The following THSD7B variants were observed in gnomAD, a reference collection of about 807,000 sequenced individuals.
THSD7B encodes thrombospondin type 1 domain containing 7B.
A neutral mutation model predicts 213.6 loss-of-function variants in THSD7B; 138 were observed. The observed-to-expected ratio is 0.65, with a 90% confidence interval of 0.56 to 0.74. THSD7B has a LOEUF of 0.74. THSD7B is among the 30% of genes least tolerant of loss of function. THSD7B has a pLI of 0.00. For missense variants in THSD7B, 1,931 were observed against 1,991.5 expected (o/e 0.97, Z 0.58); for synonymous variants, 742 against 687.0 (o/e 1.08, Z -1.25).
rs36105166 is a variant in THSD7B, at chr2:137,187,942, G to GA, written c.1723+17014dup. Among the ~76,000 whole-genome samples, 5 of 150,410 alleles carry GA rather than the reference G, an allele frequency of 3.3e-5. No homozygotes were observed. The East Asian group carries it at 7.8e-4, about 23-fold the overall frequency. On this transcript the variant is annotated intron_variant, in intron 7 of 27. Coordinates refer to ENST00000409968, the MANE Select transcript of THSD7B (RefSeq NM_001316349.2). ...GATCTGAGATTTTAATATCAAATTT[G>GA]AAAAAAAAAATTCTGTATTTGCTTT...
chr2:137,090,805 G>T (rs1005740443), intron 3 of THSD7B, among the ~76,000 whole-genome samples: 6 of 152,152 alleles, frequency 3.9e-5, no homozygotes, highest in East Asian at 1.9e-4. Context: ...TACACTAAAG[G>T]TTACTACAAA....
rs773458553 is a variant in THSD7B at position 136,899,456 on chromosome 2, A to G, written c.139+17139A>G. 1.6e-4 allele frequency among the ~76,000 whole-genome samples: 25 copies of G among 152,224 alleles called. 1 individual carries two copies. Among genetic ancestry groups the G allele is most frequent in the Admixed American group, 5.2e-4 (8 of 15,286 alleles). On this transcript the variant is annotated intron_variant, in intron 2 of 27. Transcript: ENST00000409968. ...GAACATGTGTCCAATTTTATAAGGC[A>G]AGCCAATTGGACAATATATTTCAGT...
chr2:136,921,219 CAAA>C (rs778515013), intron 2 of THSD7B, among the ~76,000 whole-genome samples: 9 of 96,528 alleles, frequency 9.3e-5, no homozygotes, highest in Admixed American at 3.1e-4. Flanking sequence ...TCTGGACACT[CAAA>C]AAAAAAAAAA....
At chr2:137,135,416 G>A (rs953073405) in intron 5 of THSD7B, among the ~76,000 whole-genome samples, 1 of 152,102 alleles carries the variant, frequency 6.6e-6, no homozygotes, top group African/African-American at 2.4e-5. Flanking sequence ...GTACTCATTG[G>A]AGAGCTCCCT....
chr2:137,371,326 T>C (rs1685532814), intron 12 of THSD7B, among the ~76,000 whole-genome samples: 1 of 152,178 alleles, frequency 6.6e-6, no homozygotes. Context: ...AGATTTTTAT[T>C]CCGTTCTCAC....
chr2:136,799,630 T>C, intron 1 of THSD7B, among the ~76,000 whole-genome samples: 1 of 151,976 alleles, frequency 6.6e-6, no homozygotes, highest in East Asian at 1.9e-4. Flanking sequence ...CAGACAGAAA[T>C]ACACAGACAC....
At chr2:136,987,675 T>C (rs949832908) in intron 2 of THSD7B, among the ~76,000 whole-genome samples, 11 of 152,370 alleles carry the variant, frequency 7.2e-5, no homozygotes, top group South Asian at 6.2e-4. Flanking sequence ...GTCATAACTT[T>C]GCTTGGATTA....
intron 1 of THSD7B, among the ~76,000 whole-genome samples, chr2:136,833,809 G>C (rs1215765788): frequency 6.6e-6 from 1 of 152,164 alleles, no homozygotes; most frequent in South Asian, 2.1e-4. Context: ...GATGAAAAAG[G>C]TTTGATCCAA....
At chr2:137,191,136 C>T (rs577989561) in intron 7 of THSD7B, among the ~76,000 whole-genome samples, 1 of 152,306 alleles carries the variant, frequency 6.6e-6, no homozygotes, top group South Asian at 2.1e-4. Flanking sequence ...ATGATAACCC[C>T]TGCAGGTGAC....
chr2:137,198,693 A>G (rs7588476), intron 7 of THSD7B, among the ~76,000 whole-genome samples: 140,688 of 152,198 alleles, frequency 0.92, 65,282 homozygotes, highest in Middle Eastern at 0.98. Context: ...AAATGGGAAT[A>G]TATATTCTGA....
chr2:136,875,542 A>G (rs1416256391), intron 1 of THSD7B, among the ~76,000 whole-genome samples: 1 of 152,140 alleles, frequency 6.6e-6, no homozygotes, highest in Non-Finnish European at 1.5e-5. Context: ...ATTGTGTAAG[A>G]TCTGTATTCC....
chr2:137,075,815 TCAGCTG>T (rs1430068289), intron 3 of THSD7B, among the ~76,000 whole-genome samples: 1 of 152,222 alleles, frequency 6.6e-6, no homozygotes, highest in Non-Finnish European at 1.5e-5. Flanking sequence ...GACAGGACCC[TCAGCTG>T]CAGGTCTGTT....
intron 2 of THSD7B, among the ~76,000 whole-genome samples, chr2:136,998,702 A>G (rs1355072434): frequency 1.3e-5 from 2 of 152,090 alleles, no homozygotes; most frequent in African/African-American, 4.8e-5. Context: ...TCGTACTTAG[A>G]TCACACAAGA....
intron 2 of THSD7B, among the ~76,000 whole-genome samples, chr2:136,927,332 A>G (rs1684554752): frequency 6.6e-6 from 1 of 152,200 alleles, no homozygotes; most frequent in Admixed American, 6.5e-5. Context: ...GGCAGCCGGT[A>G]TGCTGACTTC....
chr2:136,963,194 A>G (rs1388458967), intron 2 of THSD7B, among the ~76,000 whole-genome samples: 7 of 152,192 alleles, frequency 4.6e-5, no homozygotes, highest in Non-Finnish European at 8.8e-5. Context: ...TTGACACTGC[A>G]TGCTATCTCC....
chr2:136,842,189 T>C (rs563241551), intron 1 of THSD7B, among the ~76,000 whole-genome samples: 1 of 152,336 alleles, frequency 6.6e-6, no homozygotes, highest in South Asian at 2.1e-4. Context: ...ATGATTTCTG[T>C]GTTCTTGGGA....
chr2:137,179,066 CT>C (rs1680407990), intron 7 of THSD7B, among the ~76,000 whole-genome samples: 1 of 152,138 alleles, frequency 6.6e-6, no homozygotes, highest in African/African-American at 2.4e-5. Context: ...AGGCAATCGA[CT>C]TTCTGTTCCC....
chr2:137,075,973 G>A (rs533927388), intron 3 of THSD7B, among the ~76,000 whole-genome samples: 184 of 152,280 alleles, frequency 1.2e-3, no homozygotes, highest in African/African-American at 4.0e-3. Context: ...GTACCCGGCC[G>A]TGTAAGGTGT....
intron 12 of THSD7B, among the ~76,000 whole-genome samples, chr2:137,318,760 T>C: frequency 6.6e-6 from 1 of 150,658 alleles, no homozygotes; most frequent in South Asian, 2.1e-4. Flanking sequence ...CTTCAGCTTT[T>C]CCAACTCTAA....
Sources: allele counts gnomAD v4.1 joint callset (sites outside exome capture counted in the v4.1 genomes callset), GRCh38; gene constraint gnomAD v4.1.1; transcripts MANE v1.5; gene names NCBI Gene and HGNC (gene_info 2026-07-23, HGNC 2026-07-21).